Variants in KIF15 observed in about 807,000 individuals in gnomAD.
KIF15 encodes the protein kinesin family member 15.
Under a neutral mutation model 190.6 loss-of-function variants are expected in KIF15, and 140 were observed. That is an observed-to-expected ratio of 0.73 (90% CI 0.64 to 0.84). The LOEUF (loss-of-function observed/expected upper bound fraction) is 0.84, where lower values mean the gene tolerates loss of function less well. KIF15 is among the 40% of genes least tolerant of loss of function. The probability of loss-of-function intolerance (pLI) is 0.00; values close to 1 mark genes in which losing one functional copy is unlikely to be tolerated. For missense variants in KIF15, 1,372 were observed against 1,584.4 expected (o/e 0.87, Z 2.28); for synonymous variants, 528 against 551.3 (o/e 0.96, Z 0.59).
Position 44,840,457 on chromosome 3 carries a change from G to A in KIF15, c.3420+1G>A, listed in dbSNP as rs1698537032. On this transcript the variant is annotated splice_donor_variant, in intron 28 of 34. Transcript: ENST00000326047. LOFTEE classifies it high-confidence loss of function. ...GGATTCTGCTGCTGAGGATCCCCAG[G>A]TACTTTTCAGAAAAAGATTATTTCA... The A allele has an allele frequency of 6.3e-7, 1 of 1,576,586 alleles. No homozygotes were observed. Among genetic ancestry groups the A allele is most frequent in the African/African-American group, 1.4e-5 (1 of 73,214 alleles).
Position 44,847,969 on chromosome 3 carries a change from C to A in KIF15, c.3696-16C>A. 1 of 1,581,356 alleles carries A rather than the reference C, an allele frequency of 6.3e-7. No individual in the cohort carries two copies. Among genetic ancestry groups the A allele is most frequent in the South Asian group, 1.2e-5 (1 of 86,476 alleles). Reference sequence around the variant, plus strand: ...TGTTTTCCTATGCCTCCTCCCACCCCTGTTAATCTATGCAGTGATCAGAAT... The same window carrying A: ...TGTTTTCCTATGCCTCCTCCCACCCATGTTAATCTATGCAGTGATCAGAAT... On this transcript the variant is annotated splice_polypyrimidine_tract_variant and intron_variant, in intron 30 of 34. Transcript: ENST00000326047.
intron 6 of KIF15, among the ~76,000 whole-genome samples, chr3:44,786,020 TC>T (rs1706386038): frequency 6.6e-6 from 1 of 152,080 alleles, no homozygotes; most frequent in Non-Finnish European, 1.5e-5. Context: ...ATCGAGACCA[TC>T]CTGGCTAACA....
intron 16 of KIF15, among the ~76,000 whole-genome samples, chr3:44,806,646 G>T (rs1179214425): frequency 6.6e-6 from 1 of 152,202 alleles, no homozygotes; most frequent in African/African-American, 2.4e-5. Flanking sequence ...TTAGCTGGGT[G>T]TGGTGGTGCA....
Position 44,840,370 on chromosome 3 carries a change from G to A in KIF15, c.3334G>A (p.Glu1112Lys), listed in dbSNP as rs778518732. The change falls in exon 28 of 35, where the codon GAG becomes AAG. Residue 1112 changes from glutamate (E) to lysine (K), a missense_variant. Coordinates refer to ENST00000326047, the MANE Select transcript of KIF15 (RefSeq NM_020242.3). ...ELQHKLNQKK[E>K]EVEQKKNEYN... ...ATTTTCCCAGCTAAACCAAAAGAAA[G>A]AGGAAGTAGAACAGAAGAAGAATGA... 1.9e-6 allele frequency: 3 copies of A among 1,604,738 alleles called. No homozygotes were observed. The highest frequency in any genetic ancestry group is 4.5e-5 in the East Asian group (2 of 44,592).
chr3:44,769,668 G>T (rs1705562435), intron 1 of KIF15, among the ~76,000 whole-genome samples: 1 of 152,038 alleles, frequency 6.6e-6, no homozygotes, highest in Non-Finnish European at 1.5e-5. Flanking sequence ...GGATCCCTCA[G>T]ATCCAGTTTT....
chr3:44,801,399 A>G, intron 11 of KIF15, 51 bp from the exon 12 acceptor site: 1 of 1,087,494 alleles, frequency 9.2e-7, no homozygotes, highest in Admixed American at 1.9e-5. Flanking sequence ...TGGTTTTGCA[A>G]TGTGATAAAT....
chr3:44,860,606 C>T (rs950628935), intron 6 of KIF15, among the ~76,000 whole-genome samples: 1 of 152,148 alleles, frequency 6.6e-6, no homozygotes, highest in Non-Finnish European at 1.5e-5. Flanking sequence ...CTCCTGACCT[C>T]GTAATCCACC....
intron 26 of KIF15, among the ~76,000 whole-genome samples, chr3:44,834,454 A>G (rs1015683300): frequency 2.6e-5 from 4 of 152,230 alleles, no homozygotes; most frequent in Non-Finnish European, 4.4e-5. Context: ...AATTAGTCTT[A>G]AAAATAATAT....
At chr3:44,854,715 C>A (rs573600075), downstream of KIF15, among the ~76,000 whole-genome samples, 1 of 152,220 alleles carries the variant, frequency 6.6e-6, no homozygotes, top group South Asian at 2.1e-4. Flanking sequence ...GGCGAGCAGT[C>A]CAAAATCAAG....
rs748838878 is a variant in KIF15, at chr3:44,852,722, G to GAA, written c.4155_4156dup (p.Ser1386LysfsTer17). The GAA allele has an allele frequency of 3.7e-6, 6 of 1,600,692 alleles. No individual in the cohort carries two copies. The South Asian group carries it at 6.9e-5, about 18-fold the overall frequency. On this transcript the variant is annotated frameshift_variant, in exon 35 of 35. Transcript: ENST00000326047. LOFTEE classifies it high-confidence loss of function. Reference sequence around the variant, plus strand: ...AATGTATTTTTAAAAGAAAAGAAAAGAAGTGAATCTTGAGGATTCCGGTCA... The same window carrying GAA: ...AATGTATTTTTAAAAGAAAAGAAAAGAAAAGTGAATCTTGAGGATTCCGGTCA...
intron 1 of KIF15, among the ~76,000 whole-genome samples, chr3:44,762,423 C>T (rs1046195195): frequency 6.6e-6 from 1 of 152,142 alleles, no homozygotes; most frequent in African/African-American, 2.4e-5. Context: ...TAAAGGAGAC[C>T]CGTCCGATTT....
chr3:44,858,121 G>C (rs1699206364), downstream of KIF15, among the ~76,000 whole-genome samples: 1 of 152,218 alleles, frequency 6.6e-6, no homozygotes, highest in African/African-American at 2.4e-5. Flanking sequence ...AGCAGAGGCT[G>C]GGACGAGGGG....
rs1318538827 is a variant in KIF15 at position 44,851,953 on chromosome 3, G to A, written c.3972+1G>A. 1 of 1,610,514 alleles carries A rather than the reference G, an allele frequency of 6.2e-7. No homozygotes were observed. Among genetic ancestry groups the A allele is most frequent in the Non-Finnish European group, 8.5e-7 (1 of 1,178,516 alleles). On this transcript the variant is annotated splice_donor_variant, in intron 33 of 34. Coordinates refer to ENST00000326047, the MANE Select transcript of KIF15 (RefSeq NM_020242.3). LOFTEE classifies it high-confidence loss of function. The stretch of plus-strand genomic sequence containing the variant: ...TGAAGAAAGAGAGAGAACATCCCAG[G>A]TGTGCTAGTGTGTTGGTGTTTTCAT...
At chr3:44,829,314 G>A (rs1226858571) in intron 24 of KIF15, among the ~76,000 whole-genome samples, 2 of 149,220 alleles carry the variant, frequency 1.3e-5, no homozygotes, top group Non-Finnish European at 3.0e-5. Flanking sequence ...CCGAGATCGC[G>A]CCACTGCACT....
chr3:44,778,166 G>A lies in KIF15; in HGVS notation c.298G>A (p.Gly100Ser), dbSNP rs577025173. The A allele has an allele frequency of 3.7e-6, 6 of 1,613,634 alleles. No individual in the cohort carries two copies. Among genetic ancestry groups the A allele is most frequent in the South Asian group, 3.3e-5 (3 of 91,076 alleles). ...AAGCATTGTGGAGTCTTGCATGAGC[G>A]GTTATAATGGTACCATCTTTGCATA... ...AKSIVESCMS[G>S]YNGTIFAYGQ... is the part of the protein sequence containing the mutation. Residue 100 changes from glycine to serine, a missense_variant, in exon 4 of 35, where the codon GGT (glycine) becomes AGT (serine). Coordinates refer to ENST00000326047, the MANE Select transcript of KIF15 (RefSeq NM_020242.3).
intron 30 of KIF15, among the ~76,000 whole-genome samples, chr3:44,847,053 C>T (rs954999106): frequency 8.5e-5 from 13 of 152,180 alleles, no homozygotes; most frequent in African/African-American, 2.9e-4. Flanking sequence ...TTTACTGTCT[C>T]GTTCTTGACA....
chr3:44,856,875 A>G (rs1003551520), downstream of KIF15, among the ~76,000 whole-genome samples: 7 of 152,210 alleles, frequency 4.6e-5, no homozygotes, highest in South Asian at 1.0e-3. Flanking sequence ...TAGAGTCAGT[A>G]TAAATACTGA....
chr3:44,766,930 C>G (rs1011580566), intron 1 of KIF15, among the ~76,000 whole-genome samples: 17 of 151,274 alleles, frequency 1.1e-4, no homozygotes, highest in Non-Finnish European at 2.2e-4. Flanking sequence ...CCTGCCTCAG[C>G]CTCCTGGGTA....
intron 24 of KIF15, among the ~76,000 whole-genome samples, 188 bp from the exon 25 acceptor site, chr3:44,829,783 A>G (rs957021665): frequency 7.2e-6 from 1 of 138,070 alleles, no homozygotes; most frequent in South Asian, 2.1e-4. Flanking sequence ...ATGTATATAT[A>G]TAATATATGC....
Sources: gnomAD v4.1 joint callset for allele counts (sites outside exome capture counted in the v4.1 genomes callset) on GRCh38, gnomAD v4.1.1 for gene constraint, MANE v1.5 for transcripts, NCBI Gene and HGNC (gene_info 2026-07-23, HGNC 2026-07-21) for gene names.